The following CADPS variants were observed in gnomAD, a reference collection of about 807,000 sequenced individuals.
CADPS encodes the protein calcium-dependent secretion activator 1.
CADPS carries 57 observed loss-of-function variants against 167.3 expected under a neutral mutation model. The ratio of observed to expected loss-of-function variants is 0.34; its 90% confidence interval spans 0.28 to 0.42. The LOEUF is 0.42. CADPS is among the 20% of genes least tolerant of loss of function. The pLI is 1.00. For missense variants in CADPS, 1,414 were observed against 1,738.1 expected, an observed-to-expected ratio of 0.81 and a Z score of 3.32; for synonymous variants, 676 against 635.3, an observed-to-expected ratio of 1.06 and a Z score of -0.96.
chr3:62,828,134 G>T (rs183324118), intron 1 of CADPS, among the ~76,000 whole-genome samples: 2 of 152,176 alleles, frequency 1.3e-5, no homozygotes, highest in African/African-American at 4.8e-5. Context: ...GCCCAGTCAT[G>T]GTCATTCAAC....
intron 1 of CADPS, among the ~76,000 whole-genome samples, chr3:62,816,812 CT>C (rs2094638068): frequency 6.6e-6 from 1 of 152,134 alleles, no homozygotes; most frequent in Admixed American, 6.6e-5. Flanking sequence ...ATTTCAGTAT[CT>C]TGTGCTAATC....
intron 27 of CADPS, chr3:62,440,628 CAT>C (rs1242288974): frequency 4.0e-5 from 6 of 151,722 alleles, no homozygotes; most frequent in African/African-American, 1.2e-4. Context: ...CAGCACAAAA[CAT>C]GTGTAGTTTT....
chr3:62,748,532 A>C (rs898146040), intron 3 of CADPS, among the ~76,000 whole-genome samples: 2 of 152,042 alleles, frequency 1.3e-5, no homozygotes, highest in Non-Finnish European at 2.9e-5. Context: ...AATCAAATTT[A>C]CGCCAAATTT....
intron 3 of CADPS, among the ~76,000 whole-genome samples, chr3:62,662,637 C>A (rs1293057112): frequency 6.6e-6 from 1 of 152,220 alleles, no homozygotes; most frequent in Non-Finnish European, 1.5e-5. Flanking sequence ...AATCATCAAT[C>A]TCTTCTGAAC....
chr3:62,493,359 C>G (rs1027569491), intron 19 of CADPS, among the ~76,000 whole-genome samples: 1 of 152,054 alleles, frequency 6.6e-6, no homozygotes, highest in South Asian at 2.1e-4. Flanking sequence ...TCAAAGAGAG[C>G]AGAAAAACAA....
At chr3:62,762,245 T>C (rs1456199098) in intron 2 of CADPS, among the ~76,000 whole-genome samples, 2 of 152,028 alleles carry the variant, frequency 1.3e-5, no homozygotes, top group Admixed American at 6.6e-5. Context: ...ATACAAAATA[T>C]AAAAAATAAG....
At chr3:62,519,036 A>G (rs2069740573) in intron 13 of CADPS, among the ~76,000 whole-genome samples, 1 of 152,170 alleles carries the variant, frequency 6.6e-6, no homozygotes, top group South Asian at 2.1e-4. Context: ...GCATACATAT[A>G]TACTCTATTT....
At chr3:62,859,030 A>T (rs892965412) in intron 1 of CADPS, among the ~76,000 whole-genome samples, 1 of 152,224 alleles carries the variant, frequency 6.6e-6, no homozygotes, top group Non-Finnish European at 1.5e-5. Context: ...GCCAAAGGAT[A>T]GTAATTAGAG....
chr3:62,586,237 C>T (rs1009348167), intron 7 of CADPS, among the ~76,000 whole-genome samples: 5 of 152,214 alleles, frequency 3.3e-5, no homozygotes, highest in Non-Finnish European at 7.3e-5. Flanking sequence ...GATGGCAGCA[C>T]GCCCTGGTTT....
At chr3:62,744,123 A>T (rs975488787) in intron 3 of CADPS, among the ~76,000 whole-genome samples, 3 of 152,142 alleles carry the variant, frequency 2.0e-5, no homozygotes, top group African/African-American at 7.2e-5. Flanking sequence ...TGTAGGTACA[A>T]ATGTCTGCTT....
At chr3:62,452,361 C>A (rs35835543) in intron 26 of CADPS, among the ~76,000 whole-genome samples, 55,604 of 151,572 alleles carry the variant, frequency 0.37, 11,614 homozygotes, top group East Asian at 0.53. Context: ...ATACAAGTAA[C>A]ATTCAACTTT....
chr3:62,451,920 C>G (rs1358692103), intron 26 of CADPS, among the ~76,000 whole-genome samples: 1 of 152,150 alleles, frequency 6.6e-6, no homozygotes, highest in Admixed American at 6.5e-5. Flanking sequence ...AGTGCCATGC[C>G]TAAAATCATT....
chr3:62,763,358 T>A (rs2086011791), intron 2 of CADPS, among the ~76,000 whole-genome samples: 1 of 152,094 alleles, frequency 6.6e-6, no homozygotes, highest in African/African-American at 2.4e-5. Context: ...AAGAAGGAAG[T>A]CAACACAGGG....
At chr3:62,467,341 GA>G (rs754538373) in intron 24 of CADPS, 262 of 1,187,182 alleles carry the variant, frequency 2.2e-4, no homozygotes, top group African/African-American at 5.8e-4. Context: ...ATTAGGAACA[GA>G]AAAAAAAAGG....
At chr3:62,583,964 T>A (rs940985186) in intron 8 of CADPS, among the ~76,000 whole-genome samples, 2 of 151,270 alleles carry the variant, frequency 1.3e-5, no homozygotes, top group African/African-American at 4.9e-5. Context: ...TGAAATTGGG[T>A]TTGTGAATTC....
At chr3:62,826,549 A>G (rs2074072508) in intron 1 of CADPS, among the ~76,000 whole-genome samples, 2 of 152,146 alleles carry the variant, frequency 1.3e-5, no homozygotes, top group Admixed American at 6.6e-5. Context: ...AAGGGCAGAA[A>G]GTGGTCTGGG....
intron 1 of CADPS, among the ~76,000 whole-genome samples, chr3:62,859,126 C>T (rs721395): frequency 6.6e-6 from 1 of 152,216 alleles, no homozygotes; most frequent in African/African-American, 2.4e-5. Context: ...GGTAAATGTT[C>T]TGCATCACAA....
At chr3:62,498,286 C>A (rs1165096268) in intron 18 of CADPS, 1 of 407,350 alleles carries the variant, frequency 2.5e-6, no homozygotes, top group Non-Finnish European at 4.9e-6. Context: ...TGGCAATTTC[C>A]ATTTAGTCAT....
At chr3:62,804,597 C>A (rs530701087) in intron 1 of CADPS, among the ~76,000 whole-genome samples, 7 of 151,180 alleles carry the variant, frequency 4.6e-5, no homozygotes, top group South Asian at 2.1e-4. Context: ...ATGAGAGCTG[C>A]AGTAACAACA....
Sources: allele counts gnomAD v4.1 joint callset (sites outside exome capture counted in the v4.1 genomes callset), GRCh38; gene constraint gnomAD v4.1.1; transcripts MANE v1.5; gene names NCBI Gene and HGNC (gene_info 2026-07-23, HGNC 2026-07-21).